The following SHISAL2A variants were observed in gnomAD, a reference collection of about 807,000 sequenced individuals.
SHISAL2A encodes the protein shisa like 2A.
In SHISAL2A, 18 loss-of-function variants were observed where a neutral mutation model predicts 11.5. The observed-to-expected ratio is 1.57, with a 90% CI of 1.08 to 2.33. The LOEUF is 2.33. Among genes scored for constraint, SHISAL2A ranks in the 30% most tolerant of loss-of-function variants. The probability of loss-of-function intolerance (pLI) is 0.00; values close to 1 mark genes in which losing one functional copy is unlikely to be tolerated. For synonymous variants in SHISAL2A, 94 were observed against 99.6 expected, an observed-to-expected ratio of 0.94 and a Z score of 0.34; for missense variants, 261 against 250.9, an observed-to-expected ratio of 1.04 and a Z score of -0.27.
chr1:52,658,044 CTT>C (rs10714496), downstream of SHISAL2A, among the ~76,000 whole-genome samples: 550 of 147,734 alleles, frequency 3.7e-3, 2 homozygotes, highest in African/African-American at 0.012. Flanking sequence ...TACTAGAAGA[CTT>C]TTTTTTTTTT....
Position 52,637,591 on chromosome 1 carries a change from G to A in SHISAL2A, c.182+3916G>A, listed in dbSNP as rs190588498. The stretch of plus-strand genomic sequence containing the variant: ...TCCATCACTAGTTCTGTTTTTTTAC[G>A]AGGGTGTGAGCCAGAAGACAGCAGC... On this transcript the variant is annotated intron_variant, in intron 1 of 2. Transcript: ENST00000517870. Among the ~76,000 whole-genome samples the A allele has an allele frequency of 4.6e-5, 7 of 152,294 alleles. No individual in the cohort carries two copies. In the East Asian group the frequency reaches 1.2e-3, roughly 25 times the overall value.
rs1187093453 is a variant in SHISAL2A at position 52,656,711 on chromosome 1, GC to G, written c.323-78del. On this transcript the variant is annotated intron_variant, in intron 2 of 2. Coordinates refer to ENST00000517870, the MANE Select transcript of SHISAL2A (RefSeq NM_001042693.3). ...GACCACAGTGCACTGCCCAAGGTAA[GC>G]ACCAGAGAAGTCAGCTGGGGAGTGT... 4 of 1,482,480 alleles carry G rather than the reference GC, an allele frequency of 2.7e-6. No homozygotes were observed. The Admixed American group carries it at 8.3e-5, about 31-fold the overall frequency. 91.8% of individuals were successfully genotyped at this position (1,482,480 alleles called of 1,614,324 possible). A position where few individuals can be genotyped will look rare whatever the true frequency, so the allele number is the denominator to read the frequency against.
intron 2 of SHISAL2A, among the ~76,000 whole-genome samples, chr1:52,643,400 G>T (rs1691414888): frequency 6.6e-6 from 1 of 152,138 alleles, no homozygotes; most frequent in African/African-American, 2.4e-5. Flanking sequence ...CGCTTTTATT[G>T]TGTGTATGCG....
chr1:52,660,387 G>C (rs1230821727), downstream of SHISAL2A, among the ~76,000 whole-genome samples: 1 of 152,170 alleles, frequency 6.6e-6, no homozygotes, highest in Non-Finnish European at 1.5e-5. Flanking sequence ...GGGTTGGCTA[G>C]TCTGGGTCCT....
intron 2 of SHISAL2A, among the ~76,000 whole-genome samples, chr1:52,648,005 G>C (rs988135540): frequency 2.2e-4 from 33 of 149,170 alleles, no homozygotes; most frequent in African/African-American, 7.6e-4. Flanking sequence ...GTATGCATTG[G>C]TACGACCACT....
chr1:52,661,416 G>A (rs535078473), downstream of SHISAL2A, among the ~76,000 whole-genome samples: 10 of 152,260 alleles, frequency 6.6e-5, no homozygotes, highest in African/African-American at 1.9e-4. Context: ...TCTGTCCTCC[G>A]GTCAGGGGGA....
chr1:52,666,867 G>A lies in SHISAL2A; in HGVS notation n.696-532G>A, dbSNP rs368473528. On this transcript the variant is annotated intron_variant and non_coding_transcript_variant, in intron 4 of 5. Transcript: ENST00000401050. The stretch of plus-strand genomic sequence containing the variant: ...CCTGCCATGGGAACTATGTGTTTAG[G>A]ACAGACTCTGCCTCTAGCCACACAG... 3.9e-5 allele frequency among the ~76,000 whole-genome samples: 6 copies of A among 152,290 alleles called. No homozygotes were observed. The East Asian group carries it at 1.2e-3, about 29-fold the overall frequency.
intron 1 of SHISAL2A, among the ~76,000 whole-genome samples, chr1:52,634,932 A>G (rs879757082): frequency 4.6e-5 from 7 of 152,246 alleles, no homozygotes; most frequent in Admixed American, 4.6e-4. Flanking sequence ...GACATATGCC[A>G]ATGACAATTA....
downstream of SHISAL2A, among the ~76,000 whole-genome samples, chr1:52,660,336 C>CTCCTTTGAA (rs1324841494): frequency 1.3e-5 from 2 of 152,132 alleles, no homozygotes; most frequent in Non-Finnish European, 2.9e-5. Context: ...AACAGCTCCT[C>CTCCTTTGAA]TCCTTTGAAT....
rs371138393 is a variant in SHISAL2A, at chr1:52,666,179, C to T, written n.696-1220C>T. Among the ~76,000 whole-genome samples the T allele has an allele frequency of 4.1e-4, 63 of 152,230 alleles. 1 individual carries two copies. Among genetic ancestry groups the T allele is most frequent in the African/African-American group, 1.4e-3 (59 of 41,540 alleles). On this transcript the variant is annotated intron_variant and non_coding_transcript_variant, in intron 4 of 5. Coordinates refer to the SHISAL2A transcript ENST00000401050. ...CTAAATGCAGTGTACCGGCTGGGAG[C>T]GGTGGCTCACGCCTGTAATCCTAAC...
chr1:52,667,063 T>C (rs1256573953), intron 4 of SHISAL2A, among the ~76,000 whole-genome samples: 1 of 152,204 alleles, frequency 6.6e-6, no homozygotes, highest in Non-Finnish European at 1.5e-5. Flanking sequence ...CTCCTTCAGC[T>C]CCCACATAGC....
intron 4 of SHISAL2A, among the ~76,000 whole-genome samples, chr1:52,666,189 C>T (rs377683508): frequency 7.2e-5 from 11 of 152,246 alleles, no homozygotes; most frequent in African/African-American, 2.4e-4. Flanking sequence ...CGGTGGCTCA[C>T]GCCTGTAATC....
At chr1:52,653,486 A>G (rs921899139) in intron 2 of SHISAL2A, among the ~76,000 whole-genome samples, 1 of 151,864 alleles carries the variant, frequency 6.6e-6, no homozygotes, top group Non-Finnish European at 1.5e-5. Flanking sequence ...CAAAATGCTT[A>G]GCCGGGCATG....
intron 2 of SHISAL2A, among the ~76,000 whole-genome samples, chr1:52,647,386 C>T (rs1212413033): frequency 1.3e-5 from 2 of 152,132 alleles, no homozygotes; most frequent in Non-Finnish European, 2.9e-5. Flanking sequence ...TAGAATATAA[C>T]TACCGTGAAT....
intron 1 of SHISAL2A, among the ~76,000 whole-genome samples, chr1:52,641,675 C>T (rs1164594204): frequency 2.0e-5 from 3 of 152,088 alleles, no homozygotes; most frequent in Non-Finnish European, 4.4e-5. Flanking sequence ...GCACGGTTGG[C>T]TCATGCTTGT....
chr1:52,633,547 C>T lies in SHISAL2A; in HGVS notation c.54C>T (p.Gly18=), dbSNP rs774813179. 3 of 1,608,568 alleles carry T rather than the reference C, an allele frequency of 1.9e-6. No homozygotes were observed. The African/African-American group carries it at 4.0e-5, about 22-fold the overall frequency. Residue 18 remains glycine (G), a synonymous_variant, in exon 1 of 3, where the codon GGC becomes GGT. Transcript: ENST00000517870. This position sits in a 1 kb window ranked among gnomAD's most constrained non-coding sequence, Gnocchi z 6.4. ...YVSAEQEVVR[G]FSCPRPGGEA... ...GCGCAGAGCAGGAGGTGGTGCGCGGCTTCAGCTGCCCGCGGCCGGGGGGCG... is the reference window on the plus strand; with the variant it reads ...GCGCAGAGCAGGAGGTGGTGCGCGGTTTCAGCTGCCCGCGGCCGGGGGGCG...
At chr1:52,640,502 G>A (rs555377187) in intron 1 of SHISAL2A, among the ~76,000 whole-genome samples, 3 of 152,150 alleles carry the variant, frequency 2.0e-5, no homozygotes, top group South Asian at 4.1e-4. Context: ...GGTAGCTCAC[G>A]CCTGTAATCC....
chr1:52,657,162 C>A, downstream of SHISAL2A: 3 of 1,331,202 alleles, frequency 2.3e-6, no homozygotes, highest in Non-Finnish European at 3.1e-6. Context: ...AGATACCCAG[C>A]CCTGCTGTGG....
intron 4 of SHISAL2A, chr1:52,667,299 C>T: frequency 5.7e-6 from 3 of 527,026 alleles, no homozygotes; most frequent in Non-Finnish European, 7.3e-6. Flanking sequence ...AGCACGAGTT[C>T]ATTCCTCTTT....
Sources: allele counts gnomAD v4.1 joint callset (sites outside exome capture counted in the v4.1 genomes callset), GRCh38; gene constraint gnomAD v4.1.1; non-coding constraint Gnocchi (gnomAD v3.1); transcripts MANE v1.5; gene names NCBI Gene and HGNC (gene_info 2026-07-23, HGNC 2026-07-21).